The following NBAS variants were observed in gnomAD, a reference collection of about 807,000 sequenced individuals.
NBAS encodes NAG/BC035112 fusion.
A neutral mutation model predicts 302.5 loss-of-function variants in NBAS; 219 were observed. The ratio of observed to expected loss-of-function variants is 0.72; its 90% CI spans 0.65 to 0.81. The LOEUF (loss-of-function observed/expected upper bound fraction) is 0.81, where lower values mean the gene tolerates loss of function less well. Ranked by LOEUF, NBAS falls within the 30% of genes least tolerant of loss-of-function variation. The probability of loss-of-function intolerance (pLI) is 0.00; values close to 1 mark genes in which losing one functional copy is unlikely to be tolerated. For synonymous variants in NBAS, 1,118 were observed against 1,021.6 expected (o/e 1.09, Z -1.80); for missense variants, 2,932 against 2,841.6 (o/e 1.03, Z -0.72).
intron 12 of NBAS, among the ~76,000 whole-genome samples, chr2:15,479,705 A>G (rs900125211): frequency 6.6e-6 from 1 of 152,242 alleles, no homozygotes; most frequent in Non-Finnish European, 1.5e-5. Flanking sequence ...AGCACCACGA[A>G]TAAGCACTAG....
chr2:15,361,773 G>A (rs1673939230), intron 32 of NBAS, among the ~76,000 whole-genome samples: 1 of 151,598 alleles, frequency 6.6e-6, no homozygotes, highest in East Asian at 2.0e-4. Context: ...GAGGTCAGGA[G>A]TTCAAGACCA....
rs116237965 is a variant in NBAS, at chr2:15,270,138, G to A, written c.5724+5346C>T. Among the ~76,000 whole-genome samples the A allele has an allele frequency of 7.1e-3, 1,087 of 152,156 alleles. 7 individuals are homozygous for A. Among genetic ancestry groups the A allele is most frequent in the Non-Finnish European group, 0.012 (799 of 68,004 alleles). ...TGCTATTCATGTCAACCTATAATGG[G>A]TCTATTATTGGTATTTTAAAATAAA... On this transcript the variant is annotated intron_variant, in intron 44 of 51. Transcript: ENST00000281513.
intron 44 of NBAS, among the ~76,000 whole-genome samples, chr2:15,264,112 A>C (rs1572551895): frequency 6.6e-6 from 1 of 152,204 alleles, no homozygotes; most frequent in Non-Finnish European, 1.5e-5. Context: ...CAAGTCACTA[A>C]AGATTTACAG....
At chr2:15,218,626 G>T in intron 48 of NBAS, 147 bp downstream of exon 48, 3 of 958,494 alleles carry the variant, frequency 3.1e-6, no homozygotes, top group Non-Finnish European at 4.9e-6. Flanking sequence ...TTGTCATGTT[G>T]GCCAGGTGCC....
At position 15,358,315 on chromosome 2, in the gene NBAS, T is replaced by C. The variant is rs539069568; in HGVS notation, c.3818-1899A>G. Reference sequence around the variant, plus strand: ...AGGGAGTCTACAGAGTCCTTGTGCCTCTGCTGTCTCCCATGTGCTTGAGCC... The same window carrying C: ...AGGGAGTCTACAGAGTCCTTGTGCCCCTGCTGTCTCCCATGTGCTTGAGCC... On this transcript the variant is annotated intron_variant, in intron 32 of 51. Coordinates refer to ENST00000281513, the MANE Select transcript of NBAS (RefSeq NM_015909.4). 4.6e-5 allele frequency among the ~76,000 whole-genome samples: 7 copies of C among 152,222 alleles called. No homozygotes were observed. The South Asian group carries it at 1.5e-3, about 32-fold the overall frequency.
At chr2:15,164,097 C>G (rs943531006), downstream of NBAS, among the ~76,000 whole-genome samples, 1 of 152,142 alleles carries the variant, frequency 6.6e-6, no homozygotes, top group African/African-American at 2.4e-5. Context: ...ATGCCCGGCC[C>G]GGTACTAAAA....
chr2:15,438,081 T>C (rs1678121384), intron 21 of NBAS, among the ~76,000 whole-genome samples: 2 of 152,258 alleles, frequency 1.3e-5, no homozygotes, highest in African/African-American at 4.8e-5. Context: ...ATTGCAGCTT[T>C]GCTTATTTGT....
the NBAS span, among the ~76,000 whole-genome samples, chr2:14,995,905 A>G: frequency 6.6e-6 from 1 of 152,090 alleles, no homozygotes; most frequent in Admixed American, 6.6e-5. Flanking sequence ...CCAGCCTGGC[A>G]GCCCATGCCC....
chr2:14,887,567 T>A, the NBAS span, among the ~76,000 whole-genome samples: 1 of 152,100 alleles, frequency 6.6e-6, no homozygotes, highest in Non-Finnish European at 1.5e-5. Context: ...ACTGGGGGAC[T>A]GAGAACCTTG....
At chr2:15,448,175 T>C (rs1269028777) in intron 21 of NBAS, among the ~76,000 whole-genome samples, 2 of 152,222 alleles carry the variant, frequency 1.3e-5, no homozygotes, top group Admixed American at 1.3e-4. Context: ...TTTCCTGTTA[T>C]AATTTTCTAT....
At chr2:14,941,714 T>A in the NBAS span, among the ~76,000 whole-genome samples, 165 of 152,288 alleles carry the variant, frequency 1.1e-3, 1 homozygote, top group African/African-American at 3.7e-3. Context: ...AATTATCTGA[T>A]TGTTGAGATT....
the NBAS span, among the ~76,000 whole-genome samples, chr2:14,965,142 A>G: frequency 6.6e-6 from 1 of 152,150 alleles, no homozygotes; most frequent in African/African-American, 2.4e-5. Context: ...TGATGAACAA[A>G]TTAAGTGCAA....
chr2:15,070,037 C>G, the NBAS span, among the ~76,000 whole-genome samples: 5 of 152,146 alleles, frequency 3.3e-5, no homozygotes, highest in Non-Finnish European at 7.3e-5. Flanking sequence ...AGTCCCCTGG[C>G]AGTATACTTT....
At chr2:15,404,573 T>G (rs1443695490) in intron 25 of NBAS, among the ~76,000 whole-genome samples, 2 of 151,536 alleles carry the variant, frequency 1.3e-5, no homozygotes, top group Non-Finnish European at 2.9e-5. Flanking sequence ...AGTGCAGTGG[T>G]GCAATCTCGG....
At chr2:15,204,981 A>C (rs1666071289) in intron 48 of NBAS, among the ~76,000 whole-genome samples, 1 of 152,200 alleles carries the variant, frequency 6.6e-6, no homozygotes, top group African/African-American at 2.4e-5. Flanking sequence ...CACATTGTGC[A>C]TATGTATCCT....
At position 15,554,146 on chromosome 2, in the gene NBAS, C is replaced by A. The variant is rs1340397132; in HGVS notation, c.210-8G>T. The A allele has an allele frequency of 1.2e-6, 2 of 1,611,232 alleles. No homozygotes were observed. The highest frequency in any genetic ancestry group is 3.3e-5 in the Admixed American group (2 of 59,924). On this transcript the variant is annotated splice_region_variant and splice_polypyrimidine_tract_variant and intron_variant, in intron 3 of 51. Transcript: ENST00000281513. ...AGCAAAAAAGGTGCCGGGCTGAAAT[C>A]ACAACACATTAGTTAGCTTAAAATC...
chr2:15,539,216 T>C lies in NBAS; in HGVS notation c.513+7A>G. Reference sequence around the variant, plus strand: ...AACTATGTTTTCAATTTAAGCTATGTACATACCGGGGAAATGACAAAGAGT... The same window carrying C: ...AACTATGTTTTCAATTTAAGCTATGCACATACCGGGGAAATGACAAAGAGT... On this transcript the variant is annotated splice_region_variant and intron_variant, in intron 7 of 51. Coordinates refer to ENST00000281513, the MANE Select transcript of NBAS (RefSeq NM_015909.4). 1 of 1,614,178 alleles carries C rather than the reference T, an allele frequency of 6.2e-7. No homozygotes were observed. The highest frequency in any genetic ancestry group is 1.1e-5 in the South Asian group (1 of 91,086).
At position 15,394,207 on chromosome 2, in the gene NBAS, C is replaced by T. The variant is rs749873089; in HGVS notation, c.3257+20G>A. 4.5e-6 allele frequency: 7 copies of T among 1,569,768 alleles called. No homozygotes were observed. The highest frequency in any genetic ancestry group is 5.2e-6 in the Non-Finnish European group (6 of 1,155,096). On this transcript the variant is annotated intron_variant, in intron 28 of 51. Coordinates refer to ENST00000281513, the MANE Select transcript of NBAS (RefSeq NM_015909.4). ...ATTTAAAATTAATTGACCCAAGTATCAATTAATTTTATTACTCACTTCCGG... is the reference window on the plus strand; with the variant it reads ...ATTTAAAATTAATTGACCCAAGTATTAATTAATTTTATTACTCACTTCCGG...
chr2:15,078,176 AAC>A, the NBAS span, among the ~76,000 whole-genome samples: 4 of 152,194 alleles, frequency 2.6e-5, no homozygotes, highest in South Asian at 2.1e-4. Context: ...TGTGTTCCAT[AAC>A]ACAGAGTTGA....
Sources: allele counts gnomAD v4.1 joint callset (sites outside exome capture counted in the v4.1 genomes callset), GRCh38; gene constraint gnomAD v4.1.1; transcripts MANE v1.5; gene names NCBI Gene and HGNC (gene_info 2026-07-23, HGNC 2026-07-21).